Variants in PTPRM observed in about 807,000 individuals in gnomAD.
PTPRM encodes the protein receptor-type tyrosine-protein phosphatase mu.
A neutral mutation model predicts 186.7 loss-of-function variants in PTPRM; 47 were observed. The ratio of observed to expected loss-of-function variants is 0.25; its 90% CI spans 0.20 to 0.32. The LOEUF is 0.32. Ranked by LOEUF, PTPRM falls within the 10% of genes least tolerant of loss-of-function variation. The pLI is 1.00. For synonymous variants in PTPRM, 668 were observed against 674.9 expected (o/e 0.99, Z 0.16); for missense variants, 1,494 against 1,865.0 (o/e 0.80, Z 3.66).
intron 1 of PTPRM, among the ~76,000 whole-genome samples, chr18:7,708,125 A>G (rs2040134417): frequency 6.6e-6 from 1 of 152,208 alleles, no homozygotes; most frequent in African/African-American, 2.4e-5. Flanking sequence ...AAGTGAATAT[A>G]TAGATTTTAG....
intron 19 of PTPRM, chr18:8,270,256 A>G (rs754002372): frequency 2.6e-5 from 4 of 151,974 alleles, no homozygotes; most frequent in Non-Finnish European, 4.4e-5. Context: ...AAAATCCTTA[A>G]GAATGAGCAA....
chr18:8,019,177 G>A (rs915869750), intron 7 of PTPRM, among the ~76,000 whole-genome samples: 4 of 152,164 alleles, frequency 2.6e-5, no homozygotes, highest in Non-Finnish European at 5.9e-5. Flanking sequence ...TGTCAGTCCC[G>A]TAGGTCACTG....
At chr18:8,342,313 C>T (rs1568787025) in intron 22 of PTPRM, among the ~76,000 whole-genome samples, 1 of 152,148 alleles carries the variant, frequency 6.6e-6, no homozygotes, top group Non-Finnish European at 1.5e-5. Context: ...CCTGAGTATA[C>T]ATTAATTCCA....
At chr18:7,757,166 T>C (rs1232818219) in intron 1 of PTPRM, among the ~76,000 whole-genome samples, 1 of 152,228 alleles carries the variant, frequency 6.6e-6, no homozygotes, top group East Asian at 1.9e-4. Context: ...TTCTTCCTTG[T>C]TCTTCCTAAT....
At chr18:7,845,647 C>A (rs527781874) in intron 2 of PTPRM, among the ~76,000 whole-genome samples, 1 of 152,254 alleles carries the variant, frequency 6.6e-6, no homozygotes, top group African/African-American at 2.4e-5. Context: ...GGACAACATT[C>A]CCTGTTATTC....
chr18:8,324,919 A>T (rs568655365), intron 22 of PTPRM, among the ~76,000 whole-genome samples: 92 of 152,030 alleles, frequency 6.1e-4, no homozygotes, highest in Non-Finnish European at 1.0e-3. Context: ...GTATGTATCA[A>T]TGCTTAGAGC....
intron 1 of PTPRM, among the ~76,000 whole-genome samples, chr18:7,627,078 C>G (rs2038080137): frequency 6.6e-6 from 1 of 152,116 alleles, no homozygotes; most frequent in South Asian, 2.1e-4. Context: ...CCTTCCTCTT[C>G]TCGAGGTTCT....
intron 1 of PTPRM, among the ~76,000 whole-genome samples, chr18:7,699,786 A>T (rs1170663762): frequency 2.0e-5 from 3 of 151,178 alleles, no homozygotes; most frequent in Non-Finnish European, 4.4e-5. Flanking sequence ...TTTTTAGCCT[A>T]TGCCAGGGTC....
In PTPRM at chr18:8,202,378, G is replaced by T. The variant is rs143463583; in HGVS notation, c.2301-41680G>T. Among the ~76,000 whole-genome samples the T allele has an allele frequency of 3.5e-3, 529 of 152,276 alleles. 2 individuals carry two copies. Among genetic ancestry groups the T allele is most frequent in the Non-Finnish European group, 6.1e-3 (417 of 68,026 alleles). On this transcript the variant is annotated intron_variant, in intron 14 of 32. Coordinates refer to ENST00000580170, the MANE Select transcript of PTPRM (RefSeq NM_001105244.2). ...TGCTAGAAAGAAGAGGGGCGTCTCT[G>T]CCATATTCTAGTTATCATATTTCTG...
chr18:8,209,584 C>G (rs2093975094), intron 14 of PTPRM, among the ~76,000 whole-genome samples: 1 of 151,796 alleles, frequency 6.6e-6, no homozygotes, highest in African/African-American at 2.4e-5. Flanking sequence ...TAATTGTGTC[C>G]CCCCAAAAAG....
At chr18:7,770,168 AT>A (rs1261473205) in intron 1 of PTPRM, among the ~76,000 whole-genome samples, 2 of 152,204 alleles carry the variant, frequency 1.3e-5, no homozygotes, top group Non-Finnish European at 2.9e-5. Context: ...TGTCTGTATT[AT>A]TCAGAAAATC....
intron 2 of PTPRM, among the ~76,000 whole-genome samples, chr18:7,883,918 A>T (rs1452136771): frequency 6.6e-6 from 1 of 152,162 alleles, no homozygotes; most frequent in African/African-American, 2.4e-5. Flanking sequence ...AGGCAGGAAG[A>T]TTGCTTTAAT....
chr18:7,829,345 TAATA>T (rs2045646095), intron 2 of PTPRM, among the ~76,000 whole-genome samples: 2 of 152,178 alleles, frequency 1.3e-5, no homozygotes, highest in Admixed American at 6.5e-5. Context: ...TTCAAGATAA[TAATA>T]GATGCACATT....
chr18:7,847,839 T>A (rs2145905095), intron 2 of PTPRM, among the ~76,000 whole-genome samples: 1 of 152,304 alleles, frequency 6.6e-6, no homozygotes, highest in Non-Finnish European at 1.5e-5. Context: ...TGGCATCTGC[T>A]TGTCTTGATT....
intron 22 of PTPRM, among the ~76,000 whole-genome samples, chr18:8,330,630 C>T (rs2095406911): frequency 6.7e-6 from 1 of 150,230 alleles, no homozygotes; most frequent in East Asian, 2.0e-4. Flanking sequence ...GTCACCAAAC[C>T]CCTCCATTCT....
At chr18:8,106,411 A>G (rs144635189) in intron 11 of PTPRM, among the ~76,000 whole-genome samples, 139 of 152,240 alleles carry the variant, frequency 9.1e-4, no homozygotes, top group African/African-American at 3.3e-3. Context: ...GGGTGAGAAC[A>G]TTTGGGCACT....
intron 7 of PTPRM, among the ~76,000 whole-genome samples, chr18:8,024,072 C>T (rs958945907): frequency 2.6e-5 from 4 of 152,034 alleles, no homozygotes; most frequent in African/African-American, 4.8e-5. Flanking sequence ...GCAGAAAACA[C>T]GGAAGGTGCT....
intron 2 of PTPRM, among the ~76,000 whole-genome samples, chr18:7,798,810 A>T (rs1021259390): frequency 7.9e-5 from 12 of 152,326 alleles, no homozygotes; most frequent in Admixed American, 1.3e-4. Flanking sequence ...GTAATTTAAA[A>T]GACGATTATT....
intron 26 of PTPRM, 41 bp from the exon 27 acceptor site, chr18:8,378,224 G>T: frequency 2.6e-6 from 4 of 1,553,252 alleles, no homozygotes; most frequent in Non-Finnish European, 3.5e-6. Flanking sequence ...CTCCTTCTCT[G>T]GTTCTCTAAA....
Sources: allele counts gnomAD v4.1 joint callset (sites outside exome capture counted in the v4.1 genomes callset), GRCh38; gene constraint gnomAD v4.1.1; transcripts MANE v1.5; gene names NCBI Gene and HGNC (gene_info 2026-07-23, HGNC 2026-07-21).